The following PLD5 variants were observed in gnomAD, a reference collection of about 807,000 sequenced individuals.
PLD5 encodes the protein inactive phospholipase D5.
In PLD5, 36 loss-of-function variants were observed where a neutral mutation model predicts 61.1. That is an observed-to-expected ratio of 0.59 (90% CI 0.45 to 0.78). PLD5 has a LOEUF of 0.78. Ranked by LOEUF, PLD5 falls within the 30% of genes least tolerant of loss-of-function variation. The pLI, the probability that PLD5 is intolerant of heterozygous loss-of-function variation, is 0.00. For missense variants in PLD5, 515 were observed against 644.4 expected (o/e 0.80, Z 2.17); for synonymous variants, 243 against 242.8 (o/e 1.00, Z -0.01).
At chr1:242,486,827 A>T (rs555877963) in intron 1 of PLD5, among the ~76,000 whole-genome samples, 2,825 of 152,176 alleles carry the variant, frequency 0.019, 35 homozygotes, top group Middle Eastern at 0.027. Context: ...TCCAACAATG[A>T]TAGACTGGAT....
intron 2 of PLD5, among the ~76,000 whole-genome samples, chr1:242,318,738 C>T (rs926192860): frequency 9.9e-5 from 15 of 151,932 alleles, no homozygotes; most frequent in African/African-American, 3.4e-4. Flanking sequence ...GATCCTCCTG[C>T]CTTGACGTCC....
chr1:242,317,517 C>T (rs1382475109), intron 2 of PLD5, among the ~76,000 whole-genome samples: 3 of 152,028 alleles, frequency 2.0e-5, no homozygotes, highest in African/African-American at 7.3e-5. Context: ...TCCTACATCC[C>T]TAACGGTTAT....
chr1:242,090,165 C>G, intron 9 of PLD5, 55 bp from the exon 10 acceptor site: 1 of 1,584,388 alleles, frequency 6.3e-7, no homozygotes, highest in East Asian at 2.3e-5. Context: ...GGGAACATAC[C>G]CAATATAATG....
At chr1:242,097,950 C>CA (rs1024146128) in intron 9 of PLD5, among the ~76,000 whole-genome samples, 1 of 152,174 alleles carries the variant, frequency 6.6e-6, no homozygotes, top group Admixed American at 6.5e-5. Flanking sequence ...GATCCAGTTT[C>CA]AGCTTTCTAC....
chr1:242,253,542 T>C (rs1341917711), intron 4 of PLD5, among the ~76,000 whole-genome samples: 2 of 151,886 alleles, frequency 1.3e-5, no homozygotes, highest in Admixed American at 1.3e-4. Context: ...CTCGATCTCC[T>C]GACCTCGTGA....
At chr1:242,448,160 G>A (rs1242383988) in intron 1 of PLD5, among the ~76,000 whole-genome samples, 2 of 152,180 alleles carry the variant, frequency 1.3e-5, no homozygotes, top group Admixed American at 6.5e-5. Context: ...CACCTAAAGA[G>A]GGAAAAATCT....
intron 6 of PLD5, among the ~76,000 whole-genome samples, chr1:242,119,707 A>G (rs1288838561): frequency 6.6e-6 from 1 of 152,056 alleles, no homozygotes; most frequent in Non-Finnish European, 1.5e-5. Context: ...AGAAATAAAA[A>G]CTCTCATATA....
chr1:242,347,983 G>C, intron 2 of PLD5, 123 bp downstream of exon 2: 1 of 1,247,266 alleles, frequency 8.0e-7, no homozygotes, highest in South Asian at 1.5e-5. Context: ...TCACACCTCA[G>C]CTTAAGCTAA....
intron 5 of PLD5, among the ~76,000 whole-genome samples, chr1:242,162,994 A>C (rs889934090): frequency 6.6e-6 from 1 of 152,150 alleles, no homozygotes; most frequent in Non-Finnish European, 1.5e-5. Context: ...TTTCATACCC[A>C]GTTCATACTA....
At chr1:242,512,779 CCTT>C (rs1668970017) in intron 1 of PLD5, among the ~76,000 whole-genome samples, 1 of 152,194 alleles carries the variant, frequency 6.6e-6, no homozygotes, top group Non-Finnish European at 1.5e-5. Flanking sequence ...TTGTATATTA[CCTT>C]CTTCATCTGA....
intron 2 of PLD5, among the ~76,000 whole-genome samples, chr1:242,313,310 C>G (rs1171764490): frequency 6.6e-6 from 1 of 152,198 alleles, no homozygotes; most frequent in African/African-American, 2.4e-5. Flanking sequence ...TGCCCATCTT[C>G]CTCTGCAGTG....
intron 1 of PLD5, among the ~76,000 whole-genome samples, chr1:242,520,566 A>G (rs868661): frequency 0.18 from 27,860 of 152,120 alleles, 2,652 homozygotes; most frequent in Middle Eastern, 0.22. Flanking sequence ...AGCTAATTGA[A>G]TAAGTAGGAG....
chr1:242,252,220 C>A (rs925128352), intron 4 of PLD5, among the ~76,000 whole-genome samples: 2 of 152,220 alleles, frequency 1.3e-5, no homozygotes, highest in Non-Finnish European at 2.9e-5. Context: ...AAGGTTCATG[C>A]TGAACAGCCT....
intron 4 of PLD5, among the ~76,000 whole-genome samples, chr1:242,231,047 T>G (rs912044464): frequency 2.0e-5 from 3 of 152,228 alleles, no homozygotes; most frequent in Admixed American, 1.3e-4. Context: ...TAAACTTACT[T>G]AAAAATAACA....
intron 6 of PLD5, among the ~76,000 whole-genome samples, chr1:242,114,828 C>T (rs6657252): frequency 0.023 from 3,454 of 152,178 alleles, 140 homozygotes; most frequent in African/African-American, 0.077. Flanking sequence ...ACTAATTCAA[C>T]AATACAGTGA....
At chr1:242,105,871 A>T (rs1272402992) in intron 8 of PLD5, among the ~76,000 whole-genome samples, 1 of 152,238 alleles carries the variant, frequency 6.6e-6, no homozygotes, top group Non-Finnish European at 1.5e-5. Context: ...TTAGGGAATT[A>T]TGTACAACAA....
intron 1 of PLD5, among the ~76,000 whole-genome samples, chr1:242,356,886 A>T (rs1221303617): frequency 6.6e-6 from 1 of 151,342 alleles, no homozygotes. Context: ...ATCTCCTGAC[A>T]ATTTATTTTA....
intron 2 of PLD5, among the ~76,000 whole-genome samples, chr1:242,303,856 C>A (rs551624816): frequency 6.6e-6 from 1 of 152,130 alleles, no homozygotes; most frequent in Non-Finnish European, 1.5e-5. Flanking sequence ...CACGAGAGGG[C>A]GATTATATGT....
chr1:242,113,918 G>A lies in PLD5; in HGVS notation c.1042C>T (p.Leu348=). 1 of 1,613,546 alleles carries A rather than the reference G, an allele frequency of 6.2e-7. No individual in the cohort carries two copies. Among genetic ancestry groups the A allele is most frequent in the Non-Finnish European group, 8.5e-7 (1 of 1,179,762 alleles). ...QYVYIAVMDY[L]PISSTSTKRT... Reference sequence around the variant, plus strand: ...TTGGTGCTTGTGCTGGAGATAGGCAGGTAGTCCATGACAGCGATGTACACA... The same window carrying A: ...TTGGTGCTTGTGCTGGAGATAGGCAAGTAGTCCATGACAGCGATGTACACA... The change falls in exon 7 of 10, where the codon CTG becomes TTG. Residue 348 remains leucine (L), a synonymous_variant. Coordinates refer to ENST00000536534, the MANE Select transcript of PLD5 (RefSeq NM_001372062.1).
Sources: allele counts gnomAD v4.1 joint callset (sites outside exome capture counted in the v4.1 genomes callset), GRCh38; gene constraint gnomAD v4.1.1; transcripts MANE v1.5; gene names NCBI Gene and HGNC (gene_info 2026-07-23, HGNC 2026-07-21).